Variants in SOCS2 observed in about 807,000 individuals in gnomAD.
The protein encoded by SOCS2 is CIS-2.
A neutral mutation model predicts 18.6 loss-of-function variants in SOCS2; 10 were observed. That is an observed-to-expected ratio of 0.54 (90% CI 0.33 to 0.91). The LOEUF (loss-of-function observed/expected upper bound fraction) is 0.91, where lower values mean the gene tolerates loss of function less well. SOCS2 is among the 40% of genes least tolerant of loss of function. SOCS2 has a pLI of 0.02. For synonymous variants in SOCS2, 104 were observed against 104.0 expected (o/e 1.00, Z 0.00); for missense variants, 231 against 247.2 (o/e 0.93, Z 0.44).
the SOCS2 span, among the ~76,000 whole-genome samples, chr12:93,614,609 TTCTTTCTTTCTTTC>T: frequency 1.6e-5 from 2 of 126,530 alleles, 1 homozygote; most frequent in African/African-American, 6.6e-5. Flanking sequence ...CTTTCTTTCT[TTCTTTCTTTCTTTC>T]TTTCTTTCTT....
At chr12:93,595,964 A>G in the SOCS2 span, among the ~76,000 whole-genome samples, 241 of 152,246 alleles carry the variant, frequency 1.6e-3, no homozygotes, top group African/African-American at 5.4e-3. Flanking sequence ...GGGCAAAAAC[A>G]GTCATAATTT....
the SOCS2 span, among the ~76,000 whole-genome samples, chr12:93,607,195 C>A: frequency 6.6e-6 from 1 of 152,144 alleles, no homozygotes; most frequent in African/African-American, 2.4e-5. Flanking sequence ...TATCTTGAGA[C>A]CATAGACTAT....
At chr12:93,603,860 T>C in the SOCS2 span, among the ~76,000 whole-genome samples, 3 of 152,176 alleles carry the variant, frequency 2.0e-5, no homozygotes, top group Non-Finnish European at 4.4e-5. Flanking sequence ...CTGATTGCTT[T>C]AGCAGAAAAA....
intron 1 of SOCS2, 150 bp downstream of exon 1, chr12:93,573,186 T>C (rs1954323745): frequency 3.0e-6 from 3 of 1,013,192 alleles, no homozygotes; most frequent in Non-Finnish European, 2.8e-6. Flanking sequence ...CGCAGGGTCC[T>C]GGGTCCTTGG....
the SOCS2 span, among the ~76,000 whole-genome samples, chr12:93,614,545 T>C: frequency 9.9e-5 from 2 of 20,256 alleles, no homozygotes; most frequent in African/African-American, 3.1e-4. Flanking sequence ...CCTTCCTTCT[T>C]TCTTTCTTTC....
At chr12:93,614,357 TTTTCCTTC>T in the SOCS2 span, among the ~76,000 whole-genome samples, 1,151 of 121,614 alleles carry the variant, frequency 9.5e-3, 145 homozygotes, top group African/African-American at 0.039. Flanking sequence ...TATATAGCAA[TTTTCCTTC>T]TTTCTTTCTT....
chr12:93,612,259 C>T, the SOCS2 span, among the ~76,000 whole-genome samples: 1 of 152,194 alleles, frequency 6.6e-6, no homozygotes, highest in South Asian at 2.1e-4. Context: ...ACTCCCCCTG[C>T]CTGAAATTCA....
chr12:93,600,662 C>T, the SOCS2 span, among the ~76,000 whole-genome samples: 1 of 150,738 alleles, frequency 6.6e-6, no homozygotes, highest in African/African-American at 2.4e-5. Flanking sequence ...TCAAGCTTCA[C>T]TTCATAATGA....
chr12:93,614,539 CCTTCTTTCTTTCTTTCTTTCTTT>C, the SOCS2 span, among the ~76,000 whole-genome samples: 3 of 82,542 alleles, frequency 3.6e-5, no homozygotes, highest in Admixed American at 1.4e-4. Context: ...TTCCTTCCTT[CCTTCTTTCTTTCTTTCTTTCTTT>C]CTTTCTTTCT....
downstream of SOCS2, chr12:93,576,805 A>G (rs1303248174): frequency 1.3e-5 from 2 of 152,226 alleles, no homozygotes; most frequent in Non-Finnish European, 1.5e-5. Flanking sequence ...CAGGAAACAT[A>G]CTATGTATAT....
At chr12:93,571,677 C>G (rs866137214), upstream of SOCS2, 34 of 264,146 alleles carry the variant, frequency 1.3e-4, no homozygotes, top group African/African-American at 7.3e-4. Context: ...CAATGATCCT[C>G]GAGGCTTTTG....
the SOCS2 span, among the ~76,000 whole-genome samples, chr12:93,608,988 G>A: frequency 6.6e-6 from 1 of 152,238 alleles, no homozygotes; most frequent in African/African-American, 2.4e-5. Flanking sequence ...GGCCAAGCAT[G>A]CTGGCTCATG....
At chr12:93,608,569 T>C in the SOCS2 span, among the ~76,000 whole-genome samples, 2 of 151,762 alleles carry the variant, frequency 1.3e-5, no homozygotes, top group South Asian at 4.1e-4. Flanking sequence ...TATTACATAG[T>C]TCATATACAT....
At chr12:93,572,592 G>A (rs1043736433), upstream of SOCS2, 10 of 602,446 alleles carry the variant, frequency 1.7e-5, no homozygotes, top group Middle Eastern at 7.7e-4. The surrounding 1 kb of genome is among the most constrained non-coding windows in gnomAD (Gnocchi z 5.0). Flanking sequence ...AGGCGGAGGA[G>A]TCCCTGGGAT....
At chr12:93,580,618 C>CAAAA (rs35305411), downstream of SOCS2, among the ~76,000 whole-genome samples, 99 of 73,096 alleles carry the variant, frequency 1.4e-3, no homozygotes, top group African/African-American at 2.1e-3. Context: ...GAGACTGTCT[C>CAAAA]AAAAAAAAAA....
At chr12:93,570,834 C>G (rs1592817777), upstream of SOCS2, 1 of 152,480 alleles carries the variant, frequency 6.6e-6, no homozygotes, top group East Asian at 1.9e-4. Context: ...TTCCCTGAAG[C>G]CTGTGTATTG....
chr12:93,614,434 CCTT>C, the SOCS2 span, among the ~76,000 whole-genome samples: 3 of 33,330 alleles, frequency 9.0e-5, no homozygotes, highest in Admixed American at 3.1e-4. Flanking sequence ...TCTTTCCCTT[CCTT>C]CCTTCCTTCC....
At chr12:93,614,458 C>T in the SOCS2 span, among the ~76,000 whole-genome samples, 10 of 87,700 alleles carry the variant, frequency 1.1e-4, 1 homozygote, top group African/African-American at 5.3e-4. Flanking sequence ...TTCCTTCCTT[C>T]CTTCCTTCCT....
chr12:93,605,369 G>A, the SOCS2 span, among the ~76,000 whole-genome samples: 1 of 152,046 alleles, frequency 6.6e-6, no homozygotes, highest in Admixed American at 6.6e-5. Flanking sequence ...TACACAATGG[G>A]GAAAATACTT....
Sources: allele counts gnomAD v4.1 joint callset (sites outside exome capture counted in the v4.1 genomes callset), GRCh38; gene constraint gnomAD v4.1.1; non-coding constraint Gnocchi (gnomAD v3.1); transcripts MANE v1.5; gene names NCBI Gene and HGNC (gene_info 2026-07-23, HGNC 2026-07-21).